SPG21: variants seen among roughly 807,000 people sequenced by gnomAD.
SPG21 encodes the protein SPG21 abhydrolase domain containing, maspardin, also known as maspardin.
Under a neutral mutation model 38.9 loss-of-function variants are expected in SPG21, and 26 were observed. The ratio of observed to expected loss-of-function variants is 0.67; its 90% CI spans 0.49 to 0.93. The LOEUF is 0.93. Ranked by LOEUF, SPG21 falls within the 40% of genes least tolerant of loss-of-function variation. The pLI is 0.00. For missense variants in SPG21, 333 were observed against 376.5 expected (o/e 0.88, Z 0.96); for synonymous variants, 136 against 128.9 (o/e 1.05, Z -0.37).
At chr15:64,976,620 G>C in intron 3 of SPG21, 65 bp from the exon 4 acceptor site, 1 of 1,270,076 alleles carries the variant, frequency 7.9e-7, no homozygotes, top group Non-Finnish European at 1.1e-6. Flanking sequence ...TCACGTATTT[G>C]AAAAACTTAG....
At chr15:64,983,153 C>T (rs999332773) in intron 2 of SPG21, 2 of 275,066 alleles carry the variant, frequency 7.3e-6, no homozygotes, top group Admixed American at 3.9e-5. Context: ...AGCTACTTGG[C>T]AGGTTGAGGC....
At chr15:64,975,894 T>C (rs992504664) in intron 4 of SPG21, among the ~76,000 whole-genome samples, 1 of 152,024 alleles carries the variant, frequency 6.6e-6, no homozygotes, top group African/African-American at 2.4e-5. Flanking sequence ...TTATGTAAAA[T>C]ATCTAGAATA....
At chr15:64,976,059 A>G (rs1210449436) in intron 4 of SPG21, among the ~76,000 whole-genome samples, 1 of 152,240 alleles carries the variant, frequency 6.6e-6, no homozygotes, top group Non-Finnish European at 1.5e-5. Flanking sequence ...TATACTGAAA[A>G]ACATGGAACT....
rs1029989114 is a variant in SPG21, at chr15:64,984,744, G to A, written c.-24-1151C>T. On this transcript the variant is annotated intron_variant, in intron 1 of 8. Coordinates refer to ENST00000204566, the MANE Select transcript of SPG21 (RefSeq NM_016630.7). ...ATAGCACATAACCAGAAATTCACAT[G>A]TAGTTCCCTTTTTTTTTTTTTTTGA... Among the ~76,000 whole-genome samples, 25 of 144,970 alleles carry A rather than the reference G, an allele frequency of 1.7e-4. 1 individual carries two copies. Among genetic ancestry groups the A allele is most frequent in the Non-Finnish European group, 3.3e-4 (22 of 66,126 alleles).
chr15:64,971,432 G>C (rs530385357), intron 5 of SPG21, among the ~76,000 whole-genome samples: 1 of 152,114 alleles, frequency 6.6e-6, no homozygotes, highest in Admixed American at 6.5e-5. Context: ...CCAGCTACTC[G>C]GGAGGCTGAG....
chr15:64,989,286 AAAAGAAAG>A (rs541742652), intron 1 of SPG21: 2 of 150,874 alleles, frequency 1.3e-5, no homozygotes, highest in African/African-American at 4.9e-5. Flanking sequence ...GAGAAAAAAA[AAAAGAAAG>A]AAAGAAAGAA....
At chr15:64,981,615 A>C (rs1031434465) in intron 2 of SPG21, 1 of 152,224 alleles carries the variant, frequency 6.6e-6, no homozygotes, top group African/African-American at 2.4e-5. Flanking sequence ...AAAATACATA[A>C]ATAAATAAAT....
chr15:64,964,435 T>C (rs576091975), intron 8 of SPG21, among the ~76,000 whole-genome samples: 35 of 152,230 alleles, frequency 2.3e-4, no homozygotes, highest in African/African-American at 7.7e-4. Flanking sequence ...CTGTCTTCTA[T>C]AAGGGGATGA....
intron 3 of SPG21, among the ~76,000 whole-genome samples, chr15:64,977,722 G>C (rs1023027949): frequency 1.3e-5 from 2 of 151,888 alleles, no homozygotes; most frequent in Non-Finnish European, 2.9e-5. Flanking sequence ...TATGGTACTT[G>C]ACTATACGTA....
chr15:64,982,307 G>A (rs2085901240), intron 2 of SPG21, among the ~76,000 whole-genome samples: 1 of 151,972 alleles, frequency 6.6e-6, no homozygotes, highest in Non-Finnish European at 1.5e-5. Context: ...AACACGCCCA[G>A]TTAATTTTTT....
At chr15:64,986,156 A>G (rs2140454054) in intron 1 of SPG21, among the ~76,000 whole-genome samples, 1 of 151,090 alleles carries the variant, frequency 6.6e-6, no homozygotes, top group East Asian at 2.0e-4. Context: ...TCACGAGGTC[A>G]GGAGTTCAAG....
intron 3 of SPG21, among the ~76,000 whole-genome samples, chr15:64,979,245 G>A (rs1438295310): frequency 6.6e-6 from 1 of 152,152 alleles, no homozygotes; most frequent in Non-Finnish European, 1.5e-5. Context: ...ACTGTGGAGC[G>A]AGAAACACAC....
At position 64,977,157 on chromosome 15, in the gene SPG21, C is replaced by T. The variant is rs183563534; in HGVS notation, c.226-602G>A. Among the ~76,000 whole-genome samples the T allele has an allele frequency of 1.3e-4, 20 of 151,374 alleles. No individual in the cohort carries two copies. The East Asian group carries it at 3.3e-3, about 25-fold the overall frequency. On this transcript the variant is annotated intron_variant, in intron 3 of 8. Coordinates refer to ENST00000204566, the MANE Select transcript of SPG21 (RefSeq NM_016630.7). ...CTCGACTCATGCCACCTCCGCCTCC[C>T]GGGTTTGAACGATTCTCCTACCTCA...
chr15:64,966,628 G>C (rs536479423), intron 7 of SPG21, among the ~76,000 whole-genome samples: 1 of 152,098 alleles, frequency 6.6e-6, no homozygotes, highest in Non-Finnish European at 1.5e-5. Flanking sequence ...GGCCAGGTGC[G>C]GTGGCTCACA....
At chr15:64,988,236 C>G (rs959584262) in intron 1 of SPG21, among the ~76,000 whole-genome samples, 7 of 152,104 alleles carry the variant, frequency 4.6e-5, no homozygotes, top group African/African-American at 1.4e-4. Flanking sequence ...AACAAACAAA[C>G]AAACAAACAA....
intron 2 of SPG21, chr15:64,981,452 G>A: frequency 5.4e-6 from 1 of 184,822 alleles, no homozygotes; most frequent in Non-Finnish European, 1.1e-5. Flanking sequence ...CTCATGCCCA[G>A]CTAATTTTTT....
chr15:64,983,402 G>A (rs532836560), intron 2 of SPG21, 105 bp downstream of exon 2: 117 of 797,746 alleles, frequency 1.5e-4, no homozygotes, highest in Admixed American at 5.6e-4. Context: ...CATGATACTC[G>A]GCAGTAACCT....
intron 7 of SPG21, 99 bp from the exon 8 acceptor site, chr15:64,965,559 C>A: frequency 1.9e-6 from 3 of 1,554,322 alleles, no homozygotes; most frequent in Non-Finnish European, 2.6e-6. Flanking sequence ...GTTCTTTTCA[C>A]ATTATGGAAA....
chr15:64,974,304 CA>C (rs1046744722), intron 5 of SPG21, among the ~76,000 whole-genome samples: 75 of 152,136 alleles, frequency 4.9e-4, no homozygotes, highest in African/African-American at 1.8e-3. Flanking sequence ...CTCATCTGTA[CA>C]AAAATATACA....
Sources: allele counts gnomAD v4.1 joint callset (sites outside exome capture counted in the v4.1 genomes callset), GRCh38; gene constraint gnomAD v4.1.1; transcripts MANE v1.5; gene names NCBI Gene and HGNC (gene_info 2026-07-23, HGNC 2026-07-21).